The following MAP3K19 variants were observed in gnomAD, a reference collection of about 807,000 sequenced individuals.
MAP3K19 encodes the protein SPS1/STE20-related protein kinase YSK4.
A neutral mutation model predicts 114.4 loss-of-function variants in MAP3K19; 91 were observed. The ratio of observed to expected loss-of-function variants is 0.80; its 90% CI spans 0.67 to 0.95. MAP3K19 has a LOEUF of 0.95. Ranked by LOEUF, MAP3K19 falls within the 40% of genes least tolerant of loss-of-function variation. The pLI is 0.00. For synonymous variants in MAP3K19, 518 were observed against 530.5 expected (o/e 0.98, Z 0.32); for missense variants, 1,471 against 1,573.2 (o/e 0.94, Z 1.10).
chr2:134,968,482 C>T lies in MAP3K19; in HGVS notation c.3921-3566G>A, dbSNP rs756741757. On this transcript the variant is annotated intron_variant, in intron 12 of 12. Transcript: ENST00000392915. ...CTCCCGGATGGGGTGGCTGGCCGGG[C>T]GGGGGGCTGACCCCCCACCTCCCTC... 1.1e-3 allele frequency among the ~76,000 whole-genome samples: 162 copies of T among 141,140 alleles called. 3 individuals are homozygous for T. The highest frequency in any genetic ancestry group is 4.2e-3 in the African/African-American group (150 of 36,088). 92.6% of individuals were successfully genotyped at this position (141,140 alleles called of 152,430 possible).
intron 4 of MAP3K19, 110 bp from the exon 5 acceptor site, chr2:135,021,940 C>T: frequency 1.6e-6 from 1 of 626,460 alleles, no homozygotes; most frequent in Non-Finnish European, 2.6e-6. Flanking sequence ...AAAGATTTTC[C>T]TGAAATAGTG....
At chr2:134,995,316 CA>C (rs1216574455) in intron 8 of MAP3K19, among the ~76,000 whole-genome samples, 1,210 of 93,384 alleles carry the variant, frequency 0.013, 9 homozygotes, top group Non-Finnish European at 0.018. Flanking sequence ...GACTCTGTCT[CA>C]AAAAAAAAAA....
chr2:134,986,599 T>C lies in MAP3K19; in HGVS notation c.2273A>G (p.Asn758Ser). Residue 758 changes from asparagine to serine, a missense_variant, in exon 10 of 13, where the codon AAT becomes AGT. Asn to Ser is a conservative substitution (Grantham distance 46). Coordinates refer to ENST00000392915, the MANE Select transcript of MAP3K19 (RefSeq NM_025052.5). ...GTCTGGTTCTGAAATACCATCACCA[T>C]TTTCAATGTCATGTAGGTTGCTATG... The part of the protein sequence containing the change: ...AVHSNLHDIE[N>S]GDGISEPDWQ... 1.2e-6 allele frequency: 2 copies of C among 1,614,196 alleles called. No individual in the cohort carries two copies. Among genetic ancestry groups the C allele is most frequent in the Non-Finnish European group, 1.7e-6 (2 of 1,180,022 alleles).
At chr2:135,005,413 A>G (rs1186066882) in intron 6 of MAP3K19, 22 bp downstream of exon 6, 1 of 1,542,410 alleles carries the variant, frequency 6.5e-7, no homozygotes, top group Non-Finnish European at 9.0e-7. Context: ...TTGTAAACAC[A>G]TCAAGGAGTA....
At chr2:135,036,637 ATGTGTGTGTGTGTGTGTGTGTG>A (rs57859657) in intron 2 of MAP3K19, among the ~76,000 whole-genome samples, 1 of 140,178 alleles carries the variant, frequency 7.1e-6, no homozygotes, top group South Asian at 2.3e-4. Flanking sequence ...GTTCAACATT[ATGTGTGTGTGTGTGTGTGTGTG>A]TGTGTGTGTG....
At chr2:134,966,017 T>C (rs1683322080) in intron 12 of MAP3K19, among the ~76,000 whole-genome samples, 2 of 152,202 alleles carry the variant, frequency 1.3e-5, no homozygotes, top group South Asian at 4.1e-4. Context: ...TTACTTAAGA[T>C]AAAGAACTCC....
chr2:135,021,809 A>G lies in MAP3K19; in HGVS notation c.44T>C (p.Leu15Pro). ...AGAGTTTGTATCATGACAAATGTCA[A>G]GCAATGACTCAGCATGTCTTTCTAT... ...PKPERHAESL[L>P]DICHDTNSSP... The change falls in exon 5 of 13, where the codon CTT becomes CCT. Residue 15 changes from leucine to proline, a missense_variant. Leu to Pro is a moderately conservative substitution (Grantham distance 98, BLOSUM62 -3). Transcript: ENST00000392915. 6.2e-7 allele frequency: 1 copy of G among 1,607,394 alleles called. No homozygotes were observed. The highest frequency in any genetic ancestry group is 1.7e-4 in the Middle Eastern group (1 of 6,044).
rs755696622 is a variant in MAP3K19, at chr2:134,988,203, A to G, written c.669T>C (p.Thr223=). The change falls in exon 10 of 13, where the codon ACT becomes ACC. Residue 223 remains threonine, a synonymous_variant. Transcript: ENST00000392915. Reference sequence around the variant, plus strand: ...TTGGAAACTTGTGATTTTGGGGGATAGTAAGGACACCAGATCGCGTGGGCA... The same window carrying G: ...TTGGAAACTTGTGATTTTGGGGGATGGTAAGGACACCAGATCGCGTGGGCA... ...SLLPTRSGVL[T]IPQNHKFPKE... is the part of the protein sequence containing the mutation. The G allele has an allele frequency of 6.2e-7, 1 of 1,609,368 alleles. No homozygotes were observed. Among genetic ancestry groups the G allele is most frequent in the Non-Finnish European group, 8.5e-7 (1 of 1,178,196 alleles).
At position 134,986,909 on chromosome 2, in the gene MAP3K19, A is replaced by T. The variant is rs1316274405; in HGVS notation, c.1963T>A (p.Ser655Thr). The change falls in exon 10 of 13, where the codon TCA (serine) becomes ACA (threonine). Residue 655 changes from serine (S) to threonine (T), a missense_variant. Ser to Thr is a moderately conservative substitution (Grantham distance 58). Coordinates refer to ENST00000392915, the MANE Select transcript of MAP3K19 (RefSeq NM_025052.5). ...KYSDMFKEIN[S>T]TANGPGIYEM... ...TAGATTCCAGGTCCATTAGCAGTTG[A>T]ATTGATTTCTTTGAACATATCACTA... The T allele has an allele frequency of 6.2e-7, 1 of 1,614,120 alleles. No homozygotes were observed. Among genetic ancestry groups the T allele is most frequent in the African/African-American group, 1.3e-5 (1 of 75,016 alleles).
At position 134,999,863 on chromosome 2, in the gene MAP3K19, A is replaced by T; in HGVS notation, c.314+74T>A. ...CATTATTATGGATTCAATTACTAATAATGTAGGTTGCCATATGACTATCAT... is the reference window on the plus strand; with the variant it reads ...CATTATTATGGATTCAATTACTAATTATGTAGGTTGCCATATGACTATCAT... On this transcript the variant is annotated intron_variant, in intron 7 of 12. Coordinates refer to ENST00000392915, the MANE Select transcript of MAP3K19 (RefSeq NM_025052.5). This position sits in a 1 kb window ranked among gnomAD's most constrained non-coding sequence, Gnocchi z 4.1. 2.1e-6 allele frequency: 2 copies of T among 955,032 alleles called. No homozygotes were observed. The highest frequency in any genetic ancestry group is 1.7e-6 in the Non-Finnish European group (1 of 585,968). The allele number at this position is 955,032 out of a possible 1,614,324, so 59.2% of individuals were successfully genotyped here.
chr2:135,029,383 TAAAC>T (rs895984551), intron 3 of MAP3K19, among the ~76,000 whole-genome samples: 2 of 151,692 alleles, frequency 1.3e-5, no homozygotes, highest in African/African-American at 2.4e-5. Context: ...AAAAAACAAA[TAAAC>T]AAACAAACAA....
chr2:135,024,678 ACTCT>A lies in MAP3K19; in HGVS notation c.-35_-32del, dbSNP rs775346177. On this transcript the variant is annotated 5_prime_UTR_variant, in exon 4 of 13. Transcript: ENST00000392915. ...TGTCCAAAAGCTGCTGTTTCTTTGA[ACTCT>A]CTATTTGTGACACATAATGTATTGC... The A allele has an allele frequency of 6.2e-7, 1 of 1,607,468 alleles. No individual in the cohort carries two copies. Among genetic ancestry groups the A allele is most frequent in the Non-Finnish European group, 8.5e-7 (1 of 1,174,424 alleles).
intron 6 of MAP3K19, among the ~76,000 whole-genome samples, chr2:135,002,862 C>T (rs1270597355): frequency 6.6e-6 from 1 of 152,148 alleles, no homozygotes; most frequent in African/African-American, 2.4e-5. Flanking sequence ...GGAATCCTTC[C>T]TGACAATCCA....
intron 4 of MAP3K19, chr2:135,023,396 A>G (rs1324960558): frequency 7.6e-6 from 4 of 527,134 alleles, no homozygotes; most frequent in Admixed American, 2.0e-5. Context: ...CAGTCCCTCA[A>G]TGACCTCACC....
chr2:134,983,575 G>T, intron 11 of MAP3K19, 101 bp downstream of exon 11: 1 of 792,258 alleles, frequency 1.3e-6, no homozygotes, highest in Non-Finnish European at 2.0e-6. Context: ...AAGAGTGCTT[G>T]CCAGAGGAAG....
At chr2:135,037,268 G>A (rs1688552470) in intron 2 of MAP3K19, among the ~76,000 whole-genome samples, 1 of 152,236 alleles carries the variant, frequency 6.6e-6, no homozygotes, top group Admixed American at 6.5e-5. Flanking sequence ...AAAGTGCTGG[G>A]ATTACAGGCG....
chr2:134,987,253 G>C lies in MAP3K19; in HGVS notation c.1619C>G (p.Ser540Ter). The C allele has an allele frequency of 1.9e-6, 3 of 1,614,104 alleles. No individual in the cohort carries two copies. The highest frequency in any genetic ancestry group is 2.5e-6 in the Non-Finnish European group (3 of 1,180,024). ...KMNSHRSKLD[S>*]KTKTSKKTPQ... Reference sequence around the variant, plus strand: ...TGTCTTCTTACTTGTCTTGGTCTTTGAATCCAACTTACTCCTATGGGAATT... The same window carrying C: ...TGTCTTCTTACTTGTCTTGGTCTTTCAATCCAACTTACTCCTATGGGAATT... Residue 540 changes from serine to a stop codon, truncating the protein, a stop_gained, in exon 10 of 13, where the codon TCA becomes TGA. Transcript: ENST00000392915. LOFTEE classifies it high-confidence loss of function.
rs548269148 is a variant in MAP3K19, at chr2:134,986,383, A to T, written c.2489T>A (p.Leu830His). The T allele has an allele frequency of 1.2e-6, 2 of 1,613,870 alleles. No homozygotes were observed. Among genetic ancestry groups the T allele is most frequent in the Admixed American group, 3.3e-5 (2 of 60,018 alleles). ...TTGCAGATCTCTGAGGCTTGTGGTG[A>T]GTATTTGATTGTTAGAAATGTCTCT... Reference protein sequence around the residue: ...GDRDISNNQILTTSLRDLQEL... With the variant: ...GDRDISNNQIHTTSLRDLQEL... Residue 830 changes from leucine to histidine, a missense_variant, in exon 10 of 13, where the codon CTC becomes CAC. Coordinates refer to ENST00000392915, the MANE Select transcript of MAP3K19 (RefSeq NM_025052.5).
intron 5 of MAP3K19, among the ~76,000 whole-genome samples, chr2:135,013,269 A>T (rs1160618996): frequency 6.6e-6 from 1 of 151,766 alleles, no homozygotes; most frequent in Non-Finnish European, 1.5e-5. Context: ...GCAGTGAGCC[A>T]AGATCGCGCT....
Sources: gnomAD v4.1 joint callset for allele counts (sites outside exome capture counted in the v4.1 genomes callset) on GRCh38, gnomAD v4.1.1 for gene constraint, Gnocchi (gnomAD v3.1) non-coding constraint, MANE v1.5 for transcripts, NCBI Gene and HGNC (gene_info 2026-07-23, HGNC 2026-07-21) for gene names.